Variants in FAT3 observed in about 807,000 individuals in gnomAD.
FAT3 encodes the protein protocadherin Fat 3.
A neutral mutation model predicts 310.2 loss-of-function variants in FAT3; 95 were observed. That is an observed-to-expected ratio of 0.31 (90% CI 0.26 to 0.36). The LOEUF (loss-of-function observed/expected upper bound fraction) is 0.36. Among genes scored for constraint, FAT3 ranks in the 10% least tolerant of loss-of-function variants. FAT3 has a pLI of 1.00. For synonymous variants in FAT3, 2,314 were observed against 2,192.9 expected (o/e 1.06, Z -1.54); for missense variants, 5,408 against 5,715.6 (o/e 0.95, Z 1.74).
At chr11:92,225,743 C>T (rs1270203341) in intron 1 of FAT3, among the ~76,000 whole-genome samples, 1 of 152,068 alleles carries the variant, frequency 6.6e-6, no homozygotes, top group Admixed American at 6.5e-5. Flanking sequence ...CCGTTCCCCA[C>T]GCCTGACTCG....
Position 92,862,318 on chromosome 11 carries a change from T to A in FAT3, c.11658+2996T>A, listed in dbSNP as rs140177622. Among the ~76,000 whole-genome samples, 722 of 152,246 alleles carry A rather than the reference T, an allele frequency of 4.7e-3. 9 individuals are homozygous for A. Among genetic ancestry groups the A allele is most frequent in the African/African-American group, 0.016 (664 of 41,532 alleles). ...TATAAAAGAAACATGGCATTCTTTT[T>A]CAAAGGGAGATCTGGAAAAGATTTT... On this transcript the variant is annotated intron_variant, in intron 21 of 27. Transcript: ENST00000525166.
chr11:92,413,464 T>A (rs1274672437), intron 2 of FAT3, among the ~76,000 whole-genome samples: 1 of 152,230 alleles, frequency 6.6e-6, no homozygotes, highest in Non-Finnish European at 1.5e-5. Context: ...TTTATTTAGA[T>A]AACACCTGTC....
intron 3 of FAT3, among the ~76,000 whole-genome samples, chr11:92,610,009 CAA>C (rs1252385992): frequency 8.5e-5 from 13 of 152,192 alleles, no homozygotes; most frequent in African/African-American, 2.6e-4. Context: ...TGATACTGCA[CAA>C]AGCATTTTTA....
chr11:92,723,860 G>A (rs1944929034), intron 4 of FAT3, among the ~76,000 whole-genome samples: 2 of 152,102 alleles, frequency 1.3e-5, no homozygotes, highest in South Asian at 2.1e-4. Context: ...CTCCCACCAG[G>A]TCCCTCCCAC....
chr11:92,267,876 T>C (rs1946012712), intron 1 of FAT3, among the ~76,000 whole-genome samples: 1 of 152,120 alleles, frequency 6.6e-6, no homozygotes. Flanking sequence ...ATGACATGTA[T>C]TAACACTTAT....
intron 2 of FAT3, among the ~76,000 whole-genome samples, chr11:92,439,731 T>C (rs1377800604): frequency 6.6e-6 from 1 of 151,892 alleles, no homozygotes; most frequent in Non-Finnish European, 1.5e-5. Context: ...ACCTGGGCAA[T>C]ATAGGGAGAC....
chr11:92,880,674 C>G, intron 22 of FAT3, 57 bp from the exon 23 acceptor site: 7 of 1,563,184 alleles, frequency 4.5e-6, no homozygotes, highest in Non-Finnish European at 6.0e-6. Flanking sequence ...TAGCTGAGTC[C>G]AAGCACTCAG....
chr11:92,687,172 T>G (rs1943658397), intron 3 of FAT3, among the ~76,000 whole-genome samples: 2 of 152,190 alleles, frequency 1.3e-5, no homozygotes, highest in Non-Finnish European at 2.9e-5. Context: ...TGCCTGCTTT[T>G]TAAACAGCAT....
At chr11:92,619,418 T>G (rs972038586) in intron 3 of FAT3, among the ~76,000 whole-genome samples, 18 of 152,152 alleles carry the variant, frequency 1.2e-4, no homozygotes, top group African/African-American at 4.3e-4. Context: ...TTTGGAAGAG[T>G]TTGTGAAGAA....
At chr11:92,549,958 G>T (rs956360888) in intron 3 of FAT3, among the ~76,000 whole-genome samples, 1 of 152,094 alleles carries the variant, frequency 6.6e-6, no homozygotes, top group Non-Finnish European at 1.5e-5. Flanking sequence ...TATAAACAAG[G>T]GTACTGAAGC....
At chr11:92,403,178 A>T (rs1348279028) in intron 2 of FAT3, 1 of 152,184 alleles carries the variant, frequency 6.6e-6, no homozygotes. Context: ...ATATGGGGGG[A>T]CAAGTAGATG....
intron 6 of FAT3, among the ~76,000 whole-genome samples, chr11:92,765,795 G>GT (rs1946294177): frequency 6.7e-6 from 1 of 150,262 alleles, no homozygotes; most frequent in South Asian, 2.1e-4. Flanking sequence ...TTTGAGGGGG[G>GT]GGTTGTTTTG....
chr11:92,372,579 C>G (rs1415023029), intron 2 of FAT3, among the ~76,000 whole-genome samples: 6 of 152,084 alleles, frequency 3.9e-5, no homozygotes, highest in Non-Finnish European at 8.8e-5. Context: ...TTTGTGATCC[C>G]TCTGTCTCTG....
At position 92,800,115 on chromosome 11, in the gene FAT3, G is replaced by C. The variant is rs750575046; in HGVS notation, c.7102G>C (p.Asp2368His). The change falls in exon 10 of 28, where the codon GAT becomes CAT. Residue 2368 changes from aspartate to histidine, a missense_variant. This residue lies in a region of FAT3 where 4,588 missense variants were observed against 4,809.8 expected (regional missense o/e 0.95). Coordinates refer to ENST00000525166, the MANE Select transcript of FAT3 (RefSeq NM_001367949.2). ...CTGCACTTTGAAAGTCAGATCAATA[G>C]ATAGTGGCTTCCCATCACTGAGCAG... ...QHCTLKVRSI[D>H]SGFPSLSSEV... 6.2e-7 allele frequency: 1 copy of C among 1,613,860 alleles called. No homozygotes were observed. The highest frequency in any genetic ancestry group is 1.3e-5 in the African/African-American group (1 of 74,928).
At chr11:92,843,273 GGGA>G (rs1451635605) in intron 18 of FAT3, among the ~76,000 whole-genome samples, 8 of 152,220 alleles carry the variant, frequency 5.3e-5, no homozygotes, top group African/African-American at 1.9e-4. Context: ...CCCAGCCCAT[GGGA>G]ATCTGCCCTT....
intron 2 of FAT3, among the ~76,000 whole-genome samples, chr11:92,393,010 G>A (rs986023418): frequency 9.2e-5 from 14 of 152,112 alleles, no homozygotes; most frequent in Non-Finnish European, 1.5e-5. Context: ...GGGTGTGAGT[G>A]TCTGATCCCA....
At chr11:92,596,217 C>T (rs1050596385) in intron 3 of FAT3, among the ~76,000 whole-genome samples, 2 of 152,124 alleles carry the variant, frequency 1.3e-5, no homozygotes, top group African/African-American at 2.4e-5. Context: ...TTCACCATTG[C>T]GTTATCTGTA....
intron 20 of FAT3, among the ~76,000 whole-genome samples, chr11:92,858,112 C>A (rs1949028762): frequency 6.6e-6 from 1 of 152,122 alleles, no homozygotes; most frequent in African/African-American, 2.4e-5. Flanking sequence ...AATAACCATG[C>A]CTAGTATGTG....
chr11:92,575,376 A>C (rs1156704529), intron 3 of FAT3, among the ~76,000 whole-genome samples: 1 of 152,204 alleles, frequency 6.6e-6, no homozygotes, highest in Non-Finnish European at 1.5e-5. Flanking sequence ...CAGAAACCAC[A>C]ACAATAATAA....
Sources: allele counts gnomAD v4.1 joint callset (sites outside exome capture counted in the v4.1 genomes callset), GRCh38; gene constraint gnomAD v4.1.1; regional missense constraint gnomAD v4.1.1; transcripts MANE v1.5; gene names NCBI Gene and HGNC (gene_info 2026-07-23, HGNC 2026-07-21).